The following CHD3 variants were observed in gnomAD, a reference collection of about 807,000 sequenced individuals.
CHD3 encodes chromodomain helicase DNA binding protein 3, also known as ATP-dependent chromatin remodeler CHD3.
A neutral mutation model predicts 248.9 loss-of-function variants in CHD3; 52 were observed. That is an observed-to-expected ratio of 0.21 (90% CI 0.17 to 0.26). The LOEUF (loss-of-function observed/expected upper bound fraction) is 0.26, where lower values mean the gene tolerates loss of function less well. CHD3 is among the 10% of genes least tolerant of loss of function. The probability of loss-of-function intolerance (pLI) is 1.00; values close to 1 mark genes in which losing one functional copy is unlikely to be tolerated. For synonymous variants in CHD3, 985 were observed against 985.2 expected, an observed-to-expected ratio of 1.00 and a Z score of 0.00; for missense variants, 1,482 against 2,605.8, an observed-to-expected ratio of 0.57 and a Z score of 9.39.
Position 7,904,652 on chromosome 17 carries a change from G to A in CHD3, c.4072+33G>A, listed in dbSNP as rs752600370. 6.3e-7 allele frequency: 1 copy of A among 1,593,416 alleles called. No homozygotes were observed. Among genetic ancestry groups the A allele is most frequent in the South Asian group, 1.1e-5 (1 of 89,726 alleles). On this transcript the variant is annotated intron_variant, in intron 25 of 39. Coordinates refer to ENST00000330494, the MANE Select transcript of CHD3 (RefSeq NM_001005273.3). This position sits in a 1 kb window ranked among gnomAD's most constrained non-coding sequence, Gnocchi z 4.4. ...CTGCCCCAGATGCAGGCAGTAAAGG[G>A]GGGAAGTGATGATGAGTAGGGACTT...
upstream of CHD3, among the ~76,000 whole-genome samples, chr17:7,887,699 G>T (rs1487192182): frequency 6.6e-6 from 1 of 152,134 alleles, no homozygotes. Flanking sequence ...CTTCGGCCGA[G>T]ACTCCTCCCG....
chr17:7,889,801 T>G lies in CHD3; in HGVS notation c.213+25T>G. The G allele has an allele frequency of 2.5e-6, 4 of 1,583,204 alleles. No individual in the cohort carries two copies. The highest frequency in any genetic ancestry group is 1.3e-5 in the African/African-American group (1 of 74,078). ...TGTAAGTGTCAAGAATTCCTAACTC[T>G]GTGGCAAGGCTCAAGAGACCCATTC... is the stretch of plus-strand genomic sequence containing the variant. On this transcript the variant is annotated intron_variant, in intron 2 of 39. Coordinates refer to ENST00000330494, the MANE Select transcript of CHD3 (RefSeq NM_001005273.3). The surrounding 1 kb of genome is among the most constrained non-coding windows in gnomAD (Gnocchi z 4.5).
chr17:7,886,848 T>C (rs376262389), upstream of CHD3, among the ~76,000 whole-genome samples: 45 of 152,160 alleles, frequency 3.0e-4, no homozygotes, highest in South Asian at 9.1e-3. This position sits in a 1 kb window ranked among gnomAD's most constrained non-coding sequence, Gnocchi z 4.2. Flanking sequence ...TCTGGGTACG[T>C]TGGGGAGAGA....
In CHD3 at chr17:7,908,035, G is replaced by A. The variant is rs776338432; in HGVS notation, c.5152+16G>A. 8.2e-6 allele frequency: 13 copies of A among 1,582,792 alleles called. No individual in the cohort carries two copies. The highest frequency in any genetic ancestry group is 5.4e-5 in the African/African-American group (4 of 74,022). On this transcript the variant is annotated intron_variant, in intron 34 of 39. Coordinates refer to ENST00000330494, the MANE Select transcript of CHD3 (RefSeq NM_001005273.3). The surrounding 1 kb of genome is among the most constrained non-coding windows in gnomAD (Gnocchi z 5.8). ...GGCTTCACAGGTTGGGGAGACTCTC[G>A]CTGCTTTCTGCTCCTCAAGGGGATC...
upstream of CHD3, among the ~76,000 whole-genome samples, chr17:7,886,483 T>C (rs556515494): frequency 4.6e-5 from 7 of 152,300 alleles, no homozygotes; most frequent in Admixed American, 1.3e-4. This position sits in a 1 kb window ranked among gnomAD's most constrained non-coding sequence, Gnocchi z 4.2. Flanking sequence ...TTGATCCGTG[T>C]GGCTTCTGTG....
intron 4 of CHD3, among the ~76,000 whole-genome samples, chr17:7,892,945 T>A (rs898762038): frequency 2.0e-5 from 3 of 151,902 alleles, no homozygotes; most frequent in Admixed American, 2.0e-4. Context: ...TAATTATTTT[T>A]TTTTATTTTA....
In CHD3 at chr17:7,893,505, A is replaced by G. The variant is rs745813551; in HGVS notation, c.729A>G (p.Pro243=). ...PIAPSGPPAL[P]PPPAADIQPP... ...CACCCTCCGGACCCCCCGCCCTTCC[A>G]CCACCCCCTGCTGCTGATATCCAGC... is the stretch of plus-strand genomic sequence containing the variant. Residue 243 remains proline, a synonymous_variant, in exon 5 of 40, where the codon CCA becomes CCG. Coordinates refer to ENST00000330494, the MANE Select transcript of CHD3 (RefSeq NM_001005273.3). 2.5e-5 allele frequency: 15 copies of G among 609,162 alleles called. No homozygotes were observed. The highest frequency in any genetic ancestry group is 3.4e-5 in the Non-Finnish European group (15 of 445,006). 37.7% of individuals were successfully genotyped at this position (609,162 alleles called of 1,614,324 possible). A position where few individuals can be genotyped will look rare whatever the true frequency, so the allele number is the denominator to read the frequency against.
Position 7,907,106 on chromosome 17 carries a change from C to T in CHD3, c.4667-20C>T. On this transcript the variant is annotated intron_variant, in intron 30 of 39. Coordinates refer to ENST00000330494, the MANE Select transcript of CHD3 (RefSeq NM_001005273.3). This position sits in a 1 kb window ranked among gnomAD's most constrained non-coding sequence, Gnocchi z 4.3. ...AGGGCGGGAGAATCTCTGTCTTTATCACTGTGCCTTCCCCTGCAGCTACTC... is the reference window on the plus strand; with the variant it reads ...AGGGCGGGAGAATCTCTGTCTTTATTACTGTGCCTTCCCCTGCAGCTACTC... 6.2e-7 allele frequency: 1 copy of T among 1,614,148 alleles called. No individual in the cohort carries two copies. Among genetic ancestry groups the T allele is most frequent in the Admixed American group, 1.7e-5 (1 of 60,028 alleles).
At position 7,910,284 on chromosome 17, in the gene CHD3, T is replaced by C. The variant is rs1416497288; in HGVS notation, c.5591-144T>C. ...CCATCTACTTCTTTTACTTTCTTGA[T>C]CTCTGGTTCTTTGACATCTGTGTTC... On this transcript the variant is annotated intron_variant, in intron 37 of 39. Transcript: ENST00000330494. The surrounding 1 kb of genome is among the most constrained non-coding windows in gnomAD (Gnocchi z 4.7). The C allele has an allele frequency of 2.0e-6, 2 of 999,908 alleles. No individual in the cohort carries two copies. The highest frequency in any genetic ancestry group is 3.2e-5 in the African/African-American group (2 of 62,370). The allele number at this position is 999,908 out of a possible 1,614,324, so 61.9% of individuals were successfully genotyped here.
At chr17:7,888,561 T>A (rs1968351691), upstream of CHD3, among the ~76,000 whole-genome samples, 1 of 152,154 alleles carries the variant, frequency 6.6e-6, no homozygotes, top group East Asian at 1.9e-4. Flanking sequence ...TAACTCTCCG[T>A]TCCGTTCCCC....
In CHD3 at chr17:7,897,922, C is replaced by T. The variant is rs1318019401; in HGVS notation, c.1920-49C>T. 1.3e-6 allele frequency: 2 copies of T among 1,567,644 alleles called. No homozygotes were observed. The highest frequency in any genetic ancestry group is 1.7e-6 in the Non-Finnish European group (2 of 1,158,522). Reference sequence around the variant, plus strand: ...CTCAGGCCTTCTTTCTGTTTGTGATCTGTGCAATATTTTCCTCCTGCTCCT... The same window carrying T: ...CTCAGGCCTTCTTTCTGTTTGTGATTTGTGCAATATTTTCCTCCTGCTCCT... On this transcript the variant is annotated intron_variant, in intron 11 of 39. Coordinates refer to ENST00000330494, the MANE Select transcript of CHD3 (RefSeq NM_001005273.3). The surrounding 1 kb of genome is among the most constrained non-coding windows in gnomAD (Gnocchi z 4.8).
Position 7,889,009 on chromosome 17 carries a change from G to C in CHD3, c.9G>C (p.Ala3=). The C allele has an allele frequency of 6.2e-7, 1 of 1,614,210 alleles. No individual in the cohort carries two copies. Among genetic ancestry groups the C allele is most frequent in the Non-Finnish European group, 8.5e-7 (1 of 1,180,030 alleles). The change falls in exon 1 of 40, where the codon GCG becomes GCC. Residue 3 remains alanine (A), a synonymous_variant. Coordinates refer to ENST00000330494, the MANE Select transcript of CHD3 (RefSeq NM_001005273.3). The surrounding 1 kb of genome is among the most constrained non-coding windows in gnomAD (Gnocchi z 4.5). ...AGACTTTCTCCTGTGTGATGAAGGC[G>C]GCAGACACTGTGATCCTGTGGGCAA... MK[A]ADTVILWARS...
chr17:7,889,026 T>A lies in CHD3; in HGVS notation c.26T>A (p.Leu9Gln), dbSNP rs763101770. ...ATGAAGGCGGCAGACACTGTGATCC[T>A]GTGGGCAAGAAGTAAAAATGACCAG... MKAADTVI[L>Q]WARSKNDQLR... Residue 9 changes from leucine (L) to glutamine (Q), a missense_variant, in exon 1 of 40, where the codon CTG becomes CAG. Physicochemically the swap from Leu to Gln is moderately radical, Grantham distance 113. Around this residue, in one of 20 missense-constraint regions of CHD3, gnomAD observed 169 missense variants for 168.1 expected, o/e 1.01. Coordinates refer to ENST00000330494, the MANE Select transcript of CHD3 (RefSeq NM_001005273.3). The surrounding 1 kb of genome is among the most constrained non-coding windows in gnomAD (Gnocchi z 4.5). 2.5e-6 allele frequency: 4 copies of A among 1,614,248 alleles called. No individual in the cohort carries two copies. The South Asian group carries it at 4.4e-5, about 18-fold the overall frequency.
In CHD3 at chr17:7,909,240, C is replaced by G. The variant is rs1365782473; in HGVS notation, c.5492C>G (p.Ala1831Gly). The G allele has an allele frequency of 6.4e-7, 1 of 1,552,590 alleles. No homozygotes were observed. Among genetic ancestry groups the G allele is most frequent in the East Asian group, 2.4e-5 (1 of 41,236 alleles). Residue 1831 changes from alanine to glycine, a missense_variant, in exon 37 of 40, where the codon GCC becomes GGC. Coordinates refer to ENST00000330494, the MANE Select transcript of CHD3 (RefSeq NM_001005273.3). The surrounding 1 kb of genome is among the most constrained non-coding windows in gnomAD (Gnocchi z 8.1). Reference protein sequence around the residue: ...EPAHPAMALHARFAEAECLAE... With the variant: ...EPAHPAMALHGRFAEAECLAE... ...GCGCACCCCGCCATGGCCCTCCACG[C>G]CCGCTTCGCCGAGGCCGAGTGCCTG...
At position 7,908,399 on chromosome 17, in the gene CHD3, C is replaced by T; in HGVS notation, c.5153-3C>T. On this transcript the variant is annotated splice_region_variant and splice_polypyrimidine_tract_variant and intron_variant, in intron 34 of 39. Coordinates refer to ENST00000330494, the MANE Select transcript of CHD3 (RefSeq NM_001005273.3). The surrounding 1 kb of genome is among the most constrained non-coding windows in gnomAD (Gnocchi z 5.8). ...CCTCTTCTGTCTGCTGCCTTCTTTG[C>T]AGAGCTTCACACACTGTGGCAGAAT... The T allele has an allele frequency of 6.2e-7, 1 of 1,611,740 alleles. No individual in the cohort carries two copies. The highest frequency in any genetic ancestry group is 8.5e-7 in the Non-Finnish European group (1 of 1,178,656).
Position 7,899,262 on chromosome 17 carries a change from G to C in CHD3, c.2343+60G>C. On this transcript the variant is annotated intron_variant, in intron 14 of 39. Coordinates refer to ENST00000330494, the MANE Select transcript of CHD3 (RefSeq NM_001005273.3). This position sits in a 1 kb window ranked among gnomAD's most constrained non-coding sequence, Gnocchi z 6.8. The stretch of plus-strand genomic sequence containing the variant: ...GGACTGGGGAAGTGGGGAGGGGGAA[G>C]ATAAAGGGGTGTAGCTGGCAGAGGA... 1 of 1,601,522 alleles carries C rather than the reference G, an allele frequency of 6.2e-7. No homozygotes were observed. The highest frequency in any genetic ancestry group is 8.5e-7 in the Non-Finnish European group (1 of 1,169,812).
At position 7,906,685 on chromosome 17, in the gene CHD3, C is replaced by T. The variant is rs763515243; in HGVS notation, c.4491C>T (p.Leu1497=). 1.5e-5 allele frequency: 24 copies of T among 1,603,328 alleles called. No individual in the cohort carries two copies. The highest frequency in any genetic ancestry group is 1.2e-4 in the South Asian group (11 of 89,826). The change falls in exon 29 of 40, where the codon CTC becomes CTT. Residue 1497 remains leucine, a synonymous_variant. Coordinates refer to ENST00000330494, the MANE Select transcript of CHD3 (RefSeq NM_001005273.3). The surrounding 1 kb of genome is among the most constrained non-coding windows in gnomAD (Gnocchi z 5.0). Reference sequence around the variant, plus strand: ...TGACCCGCATTGGAGTCATGTCTCTCGTCAAAAAGAAGGTATCAGTCTTCC... The same window carrying T: ...TGACCCGCATTGGAGTCATGTCTCTTGTCAAAAAGAAGGTATCAGTCTTCC... ...QVLTRIGVMS[L]VKKKVQEFEH...
intron 4 of CHD3, among the ~76,000 whole-genome samples, chr17:7,893,082 T>C (rs887492912): frequency 6.6e-6 from 1 of 152,186 alleles, no homozygotes; most frequent in African/African-American, 2.4e-5. Context: ...GTATTTCTTT[T>C]TTAATGCTTT....
Position 7,890,945 on chromosome 17 carries a change from G to A in CHD3, c.390G>A (p.Val130=). 1 of 1,614,048 alleles carries A rather than the reference G, an allele frequency of 6.2e-7. No individual in the cohort carries two copies. The highest frequency in any genetic ancestry group is 8.5e-7 in the Non-Finnish European group (1 of 1,180,012). The change falls in exon 4 of 40, where the codon GTG becomes GTA. Residue 130 remains valine, a synonymous_variant. Transcript: ENST00000330494. The part of the protein sequence containing the change: ...KGEGDGGQKQ[V]EQKSSATLLL... ...CCAAAGCCCCTCTCCCGCAGCAAGT[G>A]GAACAGAAGTCATCAGCAACTCTGC...
Sources: allele counts gnomAD v4.1 joint callset (sites outside exome capture counted in the v4.1 genomes callset), GRCh38; gene constraint gnomAD v4.1.1; regional missense constraint gnomAD v4.1.1; non-coding constraint Gnocchi (gnomAD v3.1); transcripts MANE v1.5; gene names NCBI Gene and HGNC (gene_info 2026-07-23, HGNC 2026-07-21).